Variants in SLC9D1 observed in about 807,000 individuals in gnomAD.
The protein encoded by SLC9D1 is putative LAG1-interacting protein.
At chr13:113,517,402 C>A in the SLC9D1 span, among the ~76,000 whole-genome samples, 1 of 152,028 alleles carries the variant, frequency 6.6e-6, no homozygotes. Flanking sequence ...CCGGCTAATT[C>A]TATTTTTAGT....
chr13:113,504,826 G>A, the SLC9D1 span: 1 of 152,054 alleles, frequency 6.6e-6, no homozygotes, highest in Non-Finnish European at 1.5e-5. Flanking sequence ...ATTTTCCCCT[G>A]GCAGTGGGGT....
chr13:113,496,793 A>G, the SLC9D1 span, among the ~76,000 whole-genome samples: 1 of 152,236 alleles, frequency 6.6e-6, no homozygotes, highest in Admixed American at 6.5e-5. Context: ...GTATAAATCA[A>G]GGTTTTCAAT....
chr13:113,495,601 G>T, the SLC9D1 span: 3 of 1,543,856 alleles, frequency 1.9e-6, no homozygotes, highest in East Asian at 6.8e-5. Context: ...TTGGGAAGAA[G>T]CTTCTTCTGG....
the SLC9D1 span, among the ~76,000 whole-genome samples, chr13:113,507,839 G>A: frequency 0.066 from 10,125 of 152,258 alleles, 382 homozygotes; most frequent in Non-Finnish European, 0.078. Flanking sequence ...TATAACGTAC[G>A]TGTGTGCCTA....
chr13:113,526,030 C>T, the SLC9D1 span, among the ~76,000 whole-genome samples: 1 of 149,530 alleles, frequency 6.7e-6, no homozygotes, highest in African/African-American at 2.5e-5. Flanking sequence ...TAGGAGACGA[C>T]AGCTATGTGC....
At chr13:113,535,693 G>A in the SLC9D1 span, among the ~76,000 whole-genome samples, 1 of 151,366 alleles carries the variant, frequency 6.6e-6, no homozygotes, top group East Asian at 1.9e-4. The surrounding 1 kb of genome is among the most constrained non-coding windows in gnomAD (Gnocchi z 4.1). Context: ...CGTACTGTGT[G>A]GTTCTTTTTA....
the SLC9D1 span, chr13:113,549,923 C>T: frequency 2.1e-6 from 1 of 485,104 alleles, no homozygotes; most frequent in Admixed American, 3.9e-5. Context: ...TGTACAACTT[C>T]AGAATTATAA....
At chr13:113,505,846 G>C in the SLC9D1 span, 1 of 152,114 alleles carries the variant, frequency 6.6e-6, no homozygotes, top group Admixed American at 6.6e-5. Flanking sequence ...CTCTTACCTA[G>C]AACTTTTTGT....
the SLC9D1 span, chr13:113,503,527 T>C: frequency 6.2e-7 from 1 of 1,613,838 alleles, no homozygotes; most frequent in African/African-American, 1.3e-5. Flanking sequence ...TTAGGAGAAT[T>C]TGGGGTGTTT....
the SLC9D1 span, among the ~76,000 whole-genome samples, chr13:113,536,899 A>G: frequency 0.19 from 28,693 of 152,136 alleles, 2,977 homozygotes; most frequent in Admixed American, 0.28. Flanking sequence ...GGTTTCCCCA[A>G]AGTCGCCATG....
chr13:113,548,486 G>A, the SLC9D1 span: 1 of 1,585,600 alleles, frequency 6.3e-7, no homozygotes, highest in Non-Finnish European at 8.6e-7. Context: ...CGCTTCTCGG[G>A]CGGCACGGGC....
At chr13:113,502,882 C>T in the SLC9D1 span, among the ~76,000 whole-genome samples, 6 of 152,304 alleles carry the variant, frequency 3.9e-5, no homozygotes, top group East Asian at 1.9e-4. Context: ...CTGAGGAGCT[C>T]GAGCCCCAGC....
chr13:113,497,145 G>A, the SLC9D1 span, among the ~76,000 whole-genome samples: 1 of 151,606 alleles, frequency 6.6e-6, no homozygotes, highest in African/African-American at 2.4e-5. Flanking sequence ...CTGCAGTTGT[G>A]TGTCAGTCAA....
the SLC9D1 span, among the ~76,000 whole-genome samples, chr13:113,506,533 G>T: frequency 6.6e-6 from 1 of 150,946 alleles, no homozygotes; most frequent in Non-Finnish European, 1.5e-5. Flanking sequence ...TCCATTCCAT[G>T]GTGCAGCATG....
the SLC9D1 span, among the ~76,000 whole-genome samples, chr13:113,499,103 C>T: frequency 6.6e-6 from 1 of 152,108 alleles, no homozygotes; most frequent in Non-Finnish European, 1.5e-5. Flanking sequence ...CATTTTAGAC[C>T]ACATAGGGTA....
the SLC9D1 span, among the ~76,000 whole-genome samples, chr13:113,494,923 G>A: frequency 6.6e-6 from 1 of 151,698 alleles, no homozygotes; most frequent in Admixed American, 6.6e-5. Flanking sequence ...TGCTGTTGTT[G>A]CCCAAGCTGG....
the SLC9D1 span, among the ~76,000 whole-genome samples, chr13:113,519,506 A>G: frequency 1.3e-5 from 2 of 152,180 alleles, no homozygotes; most frequent in Non-Finnish European, 2.9e-5. Context: ...ATTTGTGAAG[A>G]AGGTCTCATT....
At chr13:113,517,557 A>G in the SLC9D1 span, among the ~76,000 whole-genome samples, 2 of 152,216 alleles carry the variant, frequency 1.3e-5, no homozygotes, top group African/African-American at 4.8e-5. Flanking sequence ...GTCCACCAAG[A>G]GATGAATGGA....
At chr13:113,548,468 C>T in the SLC9D1 span, 5 of 1,594,846 alleles carry the variant, frequency 3.1e-6, no homozygotes, top group Non-Finnish European at 4.3e-6. Context: ...TGGCTTCCCC[C>T]CGCGGAGCGC....
Sources: gnomAD v4.1 joint callset for allele counts (sites outside exome capture counted in the v4.1 genomes callset) on GRCh38, gnomAD v4.1.1 for gene constraint, Gnocchi (gnomAD v3.1) non-coding constraint, MANE v1.5 for transcripts, NCBI Gene and HGNC (gene_info 2026-07-23, HGNC 2026-07-21) for gene names.